Variants in NIPA1 observed in about 807,000 individuals in gnomAD.
The protein encoded by NIPA1 is magnesium transporter NIPA1.
A neutral mutation model predicts 23.9 loss-of-function variants in NIPA1; 13 were observed. The ratio of observed to expected loss-of-function variants is 0.54; its 90% CI spans 0.35 to 0.87. The LOEUF (loss-of-function observed/expected upper bound fraction) is 0.87, where lower values mean the gene tolerates loss of function less well. Among genes scored for constraint, NIPA1 ranks in the 40% least tolerant of loss-of-function variants. NIPA1 has a pLI of 0.01. For missense variants in NIPA1, 362 were observed against 429.7 expected (o/e 0.84, Z 1.39); for synonymous variants, 234 against 202.9 (o/e 1.15, Z -1.30).
intron 1 of NIPA1, among the ~76,000 whole-genome samples, chr15:22,809,365 C>T (rs957803315): frequency 9.9e-5 from 15 of 151,942 alleles, no homozygotes; most frequent in South Asian, 8.3e-4. Context: ...CCAGCCTCAG[C>T]GACAGAGTGA....
intron 1 of NIPA1, among the ~76,000 whole-genome samples, chr15:22,794,059 G>C (rs1297829070): frequency 6.6e-6 from 1 of 150,776 alleles, no homozygotes; most frequent in Non-Finnish European, 1.5e-5. Flanking sequence ...GCTCTTTTTT[G>C]GCTTCATATG....
intron 1 of NIPA1, among the ~76,000 whole-genome samples, chr15:22,793,314 A>T (rs1894870039): frequency 7.8e-6 from 1 of 128,558 alleles, no homozygotes; most frequent in East Asian, 2.3e-4. Context: ...GCACCACTGC[A>T]CTCCACTTCA....
intron 3 of NIPA1, among the ~76,000 whole-genome samples, chr15:22,819,776 C>T (rs1200371061): frequency 6.6e-6 from 1 of 152,080 alleles, no homozygotes; most frequent in East Asian, 1.9e-4. Flanking sequence ...GGAAGCATTA[C>T]TTTTATTTTT....
At chr15:22,799,576 A>C (rs1895021689) in intron 1 of NIPA1, among the ~76,000 whole-genome samples, 1 of 151,898 alleles carries the variant, frequency 6.6e-6, no homozygotes, top group African/African-American at 2.4e-5. Flanking sequence ...AGGTCAGGAG[A>C]TCGAGACCAT....
At chr15:22,802,031 T>C (rs1387734369) in intron 1 of NIPA1, among the ~76,000 whole-genome samples, 4 of 152,160 alleles carry the variant, frequency 2.6e-5, no homozygotes, top group Non-Finnish European at 5.9e-5. Flanking sequence ...CAAGAAACTT[T>C]ATTACAGTGG....
At chr15:22,815,349 T>C (rs1895395407) in intron 3 of NIPA1, among the ~76,000 whole-genome samples, 1 of 152,212 alleles carries the variant, frequency 6.6e-6, no homozygotes, top group Non-Finnish European at 1.5e-5. Context: ...ATTTTTCTTC[T>C]AGTACAAGAT....
intron 3 of NIPA1, 50 bp from the exon 4 acceptor site, chr15:22,820,263 G>C: frequency 7.9e-7 from 1 of 1,264,700 alleles, no homozygotes; most frequent in Non-Finnish European, 1.2e-6. Flanking sequence ...TTAGAAGAAA[G>C]GTCAGGTAGT....
Position 22,820,307 on chromosome 15 carries a change from A to G in NIPA1, c.318-6A>G, listed in dbSNP as rs1290061441. On this transcript the variant is annotated splice_region_variant and splice_polypyrimidine_tract_variant and intron_variant, in intron 3 of 4. Coordinates refer to ENST00000337435, the MANE Select transcript of NIPA1 (RefSeq NM_144599.5). ...AACTTTAATGATTTCTCTTTTTTCA[A>G]TAAAGGTCCATTTTAGCTTCCTATC... is the stretch of plus-strand genomic sequence containing the variant. The G allele has an allele frequency of 1.9e-6, 3 of 1,600,808 alleles. No individual in the cohort carries two copies. The highest frequency in any genetic ancestry group is 2.6e-6 in the Non-Finnish European group (3 of 1,168,260).
chr15:22,817,876 ATTTCATAT>A lies in NIPA1; in HGVS notation c.318-2436_318-2429del, dbSNP rs1895458814. Among the ~76,000 whole-genome samples, 9 of 152,176 alleles carry A rather than the reference ATTTCATAT, an allele frequency of 5.9e-5. No homozygotes were observed. In the South Asian group the frequency reaches 6.2e-4, roughly 11 times the overall value. On this transcript the variant is annotated intron_variant, in intron 3 of 4. Coordinates refer to ENST00000337435, the MANE Select transcript of NIPA1 (RefSeq NM_144599.5). ...AACCAAAAATGAAATTAAGAAAGCAATTTCATATGCAGTAGCACCAAAATGATGAAATA... is the reference window on the plus strand; with the variant it reads ...AACCAAAAATGAAATTAAGAAAGCAAGCAGTAGCACCAAAATGATGAAATA...
chr15:22,804,486 C>G (rs750387092), intron 1 of NIPA1, among the ~76,000 whole-genome samples: 1 of 152,040 alleles, frequency 6.6e-6, no homozygotes, highest in Non-Finnish European at 1.5e-5. Context: ...TGTTTTTTTC[C>G]TATCTGGTCG....
intron 3 of NIPA1, among the ~76,000 whole-genome samples, chr15:22,814,363 G>T (rs540192260): frequency 1.3e-5 from 2 of 151,634 alleles, no homozygotes; most frequent in South Asian, 4.2e-4. Flanking sequence ...GTTCATGCCC[G>T]GCTAATTTTT....
rs1895621867 is a variant in NIPA1, at chr15:22,825,053, T to C, written c.*814T>C. 6.6e-6 allele frequency: 1 copy of C among 152,492 alleles called. No homozygotes were observed. The highest frequency in any genetic ancestry group is 2.4e-5 in the African/African-American group (1 of 41,434). The allele number at this position is 152,492 out of a possible 1,614,324, so 9.4% of individuals were successfully genotyped here. A position where few individuals can be genotyped will look rare whatever the true frequency, so the allele number is the denominator to read the frequency against. On this transcript the variant is annotated 3_prime_UTR_variant, in exon 5 of 5. Transcript: ENST00000337435. ...AATAATACAGTCACATGTCACTTAA[T>C]GATAGGGAAACATTCTGAGAAATGC... is the stretch of plus-strand genomic sequence containing the variant.
intron 3 of NIPA1, chr15:22,814,218 A>G (rs1318687069): frequency 1.5e-6 from 1 of 688,126 alleles, no homozygotes; most frequent in Non-Finnish European, 2.2e-6. Flanking sequence ...ATCAAAGATG[A>G]TTATCAAAGT....
intron 3 of NIPA1, chr15:22,813,765 G>A (rs1168238700): frequency 2.2e-6 from 1 of 445,800 alleles, no homozygotes; most frequent in Non-Finnish European, 4.5e-6. Context: ...TTGAGAATGT[G>A]TGTGTGGCAC....
chr15:22,796,053 T>C (rs1407578263), intron 1 of NIPA1, among the ~76,000 whole-genome samples: 1 of 151,990 alleles, frequency 6.6e-6, no homozygotes, highest in Non-Finnish European at 1.5e-5. Context: ...TACCCCAGCC[T>C]CCCGAGTAGC....
chr15:22,786,841 C>G lies in NIPA1; in HGVS notation c.178+7C>G, dbSNP rs756342645. The G allele has an allele frequency of 3.9e-5, 27 of 691,688 alleles. No homozygotes were observed. Among genetic ancestry groups the G allele is most frequent in the Non-Finnish European group, 5.2e-5 (27 of 518,688 alleles). 42.8% of individuals were successfully genotyped at this position (691,688 alleles called of 1,614,324 possible). On this transcript the variant is annotated splice_region_variant and intron_variant, in intron 1 of 4. Coordinates refer to ENST00000337435, the MANE Select transcript of NIPA1 (RefSeq NM_144599.5). ...GTGCGTGCCAAGCGGCGAGGTAGGGCGGGCGGCAGGCGGCAGGCGGCGGGC... is the reference window on the plus strand; with the variant it reads ...GTGCGTGCCAAGCGGCGAGGTAGGGGGGGCGGCAGGCGGCAGGCGGCGGGC...
intron 3 of NIPA1, chr15:22,814,020 G>C: frequency 1.2e-6 from 1 of 804,014 alleles, no homozygotes; most frequent in Non-Finnish European, 1.8e-6. Flanking sequence ...CCTTAGAACT[G>C]TTCTCATGCA....
At chr15:22,799,626 C>CA (rs1895024938) in intron 1 of NIPA1, among the ~76,000 whole-genome samples, 1 of 151,688 alleles carries the variant, frequency 6.6e-6, no homozygotes, top group Non-Finnish European at 1.5e-5. Flanking sequence ...ACTAAAAATA[C>CA]AAAAAATTAG....
At chr15:22,787,817 G>C (rs939795046) in intron 1 of NIPA1, among the ~76,000 whole-genome samples, 6 of 152,196 alleles carry the variant, frequency 3.9e-5, no homozygotes, top group Non-Finnish European at 5.9e-5. Context: ...GCGGAATGCA[G>C]GTGAAACTTT....
Sources: allele counts gnomAD v4.1 joint callset (sites outside exome capture counted in the v4.1 genomes callset), GRCh38; gene constraint gnomAD v4.1.1; transcripts MANE v1.5; gene names NCBI Gene and HGNC (gene_info 2026-07-23, HGNC 2026-07-21).